The following TRMT61B variants were observed in gnomAD, a reference collection of about 807,000 sequenced individuals.
TRMT61B encodes tRNA methyltransferase 61B, also known as tRNA (adenine(58)-N(1))-methyltransferase, mitochondrial.
A neutral mutation model predicts 52.0 loss-of-function variants in TRMT61B; 56 were observed. The observed-to-expected ratio is 1.08, with a 90% CI of 0.87 to 1.35. The LOEUF is 1.35. Ranked by LOEUF, TRMT61B falls within the 40% of genes most tolerant of loss-of-function variation. The probability of loss-of-function intolerance (pLI) is 0.00; values close to 1 mark genes in which losing one functional copy is unlikely to be tolerated. For synonymous variants in TRMT61B, 206 were observed against 220.0 expected, an observed-to-expected ratio of 0.94 and a Z score of 0.56; for missense variants, 650 against 577.9, an observed-to-expected ratio of 1.12 and a Z score of -1.28.
At chr2:28,865,185 C>A in intron 1 of TRMT61B, 66 bp from the exon 2 acceptor site, 1 of 896,618 alleles carries the variant, frequency 1.1e-6, no homozygotes, top group African/African-American at 1.6e-5. Flanking sequence ...CTAGTCTTAT[C>A]TTACATTGTT....
At chr2:28,851,332 A>G (rs1669087096) in intron 4 of TRMT61B, 34 bp from the exon 5 acceptor site, 1 of 1,399,896 alleles carries the variant, frequency 7.1e-7, no homozygotes, top group Non-Finnish European at 9.8e-7. Context: ...CATTTCTACT[A>G]AAATAATAAC....
In TRMT61B at chr2:28,861,107, A is replaced by G; in HGVS notation, c.993+11T>C. 1 of 1,586,712 alleles carries G rather than the reference A, an allele frequency of 6.3e-7. No homozygotes were observed. ...AAAGTAATAACACAGGACCCACGTT[A>G]GAAAACTTACTGCGTCAAATGTTAA... On this transcript the variant is annotated intron_variant, in intron 3 of 6. Coordinates refer to ENST00000306108, the MANE Select transcript of TRMT61B (RefSeq NM_017910.4).
At chr2:28,868,341 G>A (rs1013095437) in intron 1 of TRMT61B, among the ~76,000 whole-genome samples, 11 of 152,124 alleles carry the variant, frequency 7.2e-5, no homozygotes, top group Non-Finnish European at 1.0e-4. Flanking sequence ...CCTATCAAGT[G>A]TACCTCCTTG....
chr2:28,862,197 T>TCCG (rs1669631033), intron 2 of TRMT61B, among the ~76,000 whole-genome samples: 1 of 88,106 alleles, frequency 1.1e-5, no homozygotes, highest in Non-Finnish European at 2.0e-5. Context: ...AGTGCAAGAC[T>TCCG]CCGTCTCAAA....
chr2:28,856,663 C>A (rs1296047519), intron 3 of TRMT61B, among the ~76,000 whole-genome samples: 3 of 150,970 alleles, frequency 2.0e-5, no homozygotes, highest in Non-Finnish European at 4.4e-5. Context: ...GAGATGGAGT[C>A]TCATCCTGTC....
rs139037454 is a variant in TRMT61B at position 28,870,107 on chromosome 2, T to C, written c.171A>G (p.Ala57=). 2.9e-5 allele frequency: 46 copies of C among 1,614,006 alleles called. No individual in the cohort carries two copies. The highest frequency in any genetic ancestry group is 3.9e-5 in the Non-Finnish European group (46 of 1,180,058). The change falls in exon 1 of 7, where the codon GCA becomes GCG. Residue 57 remains alanine, a synonymous_variant. Coordinates refer to ENST00000306108, the MANE Select transcript of TRMT61B (RefSeq NM_017910.4). ...ACTCTGCTCCTGGGGCTTTCCTTTG[T>C]GCCGCCTCGTGCTCTCTTTCTCCAT... ...LRDGEREHEA[A]QRKAPGAESC...
chr2:28,864,049 A>G (rs774945326), intron 2 of TRMT61B, among the ~76,000 whole-genome samples: 3 of 152,086 alleles, frequency 2.0e-5, no homozygotes, highest in Non-Finnish European at 4.4e-5. Flanking sequence ...ACACCTCTTG[A>G]TTTTTGATCA....
intron 3 of TRMT61B, among the ~76,000 whole-genome samples, chr2:28,860,306 A>AAAAAC (rs1669549199): frequency 7.6e-6 from 1 of 132,080 alleles, no homozygotes; most frequent in Admixed American, 7.6e-5. Context: ...AAAAAAAAAA[A>AAAAAC]GATTTTCTCT....
intron 1 of TRMT61B, 58 bp from the exon 2 acceptor site, chr2:28,865,177 AG>A: frequency 1.0e-6 from 1 of 954,020 alleles, no homozygotes; most frequent in Non-Finnish European, 1.7e-6. Flanking sequence ...CTAAGCACCT[AG>A]TCTTATCTTA....
chr2:28,851,878 CAAAAAAAAAAAA>C (rs1162566474), intron 4 of TRMT61B, among the ~76,000 whole-genome samples: 2 of 18,276 alleles, frequency 1.1e-4, no homozygotes, highest in Admixed American at 7.5e-4. Context: ...GACTCTGTCT[CAAAAAAAAAAAA>C]AAAAAAAAAA....
In TRMT61B at chr2:28,850,177, C is replaced by A. The variant is rs1419134495; in HGVS notation, c.*22G>T. ...TTTTGATATTTTTCCATCTTCAAGT[C>A]AGTTACTGTCATCTGGAGTACTCAG... On this transcript the variant is annotated 3_prime_UTR_variant, in exon 7 of 7. Transcript: ENST00000306108. The A allele has an allele frequency of 1.9e-6, 3 of 1,599,756 alleles. No homozygotes were observed. In the South Asian group the frequency reaches 3.4e-5, roughly 18 times the overall value.
chr2:28,866,402 G>C (rs1383761174), intron 1 of TRMT61B, among the ~76,000 whole-genome samples: 1 of 152,220 alleles, frequency 6.6e-6, no homozygotes, highest in Admixed American at 6.5e-5. Context: ...ACTGGGGAGA[G>C]GGGGATGGTT....
At position 28,861,272 on chromosome 2, in the gene TRMT61B, C is replaced by T. The variant is rs755865287; in HGVS notation, c.839G>A (p.Arg280Gln). 8.7e-6 allele frequency: 14 copies of T among 1,606,896 alleles called. No individual in the cohort carries two copies. The African/African-American group carries it at 1.2e-4, about 14-fold the overall frequency. ...SQGRVISFEV[R>Q]KDHHDLAKKN... ...CTTAGCCAGATCATGGTGGTCTTTTCGTACCTCAAAACTTATGACTCGTCC... is the reference window on the plus strand; with the variant it reads ...CTTAGCCAGATCATGGTGGTCTTTTTGTACCTCAAAACTTATGACTCGTCC... The change falls in exon 3 of 7, where the codon CGA becomes CAA. Residue 280 changes from arginine to glutamine, a missense_variant. Transcript: ENST00000306108.
In TRMT61B at chr2:28,869,944, A is replaced by G. The variant is rs1299305143; in HGVS notation, c.334T>C (p.Cys112Arg). ...TCGGATCCCTGGTGTGTGGGACCGC[A>G]CCGGCCCTGGTCTCCGCTCGAGTCC... ...LEDSSGDQGRCGPTHQGSEDP... is the reference protein window; with the variant it reads ...LEDSSGDQGRRGPTHQGSEDP... Residue 112 changes from cysteine to arginine, a missense_variant, in exon 1 of 7, where the codon TGC becomes CGC. Transcript: ENST00000306108. 6.2e-7 allele frequency: 1 copy of G among 1,613,796 alleles called. No homozygotes were observed. The highest frequency in any genetic ancestry group is 8.5e-7 in the Non-Finnish European group (1 of 1,179,978).
In TRMT61B at chr2:28,851,735, C is replaced by T. The variant is rs1306269008; in HGVS notation, c.1086-437G>A. On this transcript the variant is annotated intron_variant, in intron 4 of 6. Coordinates refer to ENST00000306108, the MANE Select transcript of TRMT61B (RefSeq NM_017910.4). ...TCTCCACTAAAATACAAAAATTAGC[C>T]GGGTGTGGTGGCGCATACCTGTAAT... 3.3e-5 allele frequency among the ~76,000 whole-genome samples: 5 copies of T among 150,838 alleles called. No homozygotes were observed. The East Asian group carries it at 5.9e-4, about 18-fold the overall frequency.
intron 1 of TRMT61B, among the ~76,000 whole-genome samples, chr2:28,868,457 A>G (rs956267297): frequency 6.6e-6 from 1 of 152,222 alleles, no homozygotes; most frequent in Non-Finnish European, 1.5e-5. Flanking sequence ...CACTACTGGA[A>G]ATGACCTTAT....
intron 1 of TRMT61B, 103 bp downstream of exon 1, chr2:28,869,476 C>T (rs141961845): frequency 1.3e-6 from 1 of 777,936 alleles, no homozygotes; most frequent in East Asian, 2.6e-5. Context: ...AATAAAAAAT[C>T]CAAACGTTCT....
intron 5 of TRMT61B, 36 bp downstream of exon 5, chr2:28,851,036 T>G: frequency 7.3e-7 from 1 of 1,370,166 alleles, no homozygotes; most frequent in Non-Finnish European, 1.0e-6. Flanking sequence ...CATTCTCCAT[T>G]CATTACTGCA....
At position 28,870,216 on chromosome 2, in the gene TRMT61B, T is replaced by C. The variant is rs780953204; in HGVS notation, c.62A>G (p.Asn21Ser). The C allele has an allele frequency of 8.7e-6, 14 of 1,610,832 alleles. No homozygotes were observed. The highest frequency in any genetic ancestry group is 4.0e-5 in the African/African-American group (3 of 74,938). Residue 21 changes from asparagine to serine, a missense_variant, in exon 1 of 7, where the codon AAT (asparagine) becomes AGT (serine). Transcript: ENST00000306108. ...CTGCCCCAGGCCGTGCAGGAATGAA[T>C]TGGTTCCGAGCCCCTGCCGCAGGCA... Reference protein sequence around the residue: ...LLCLRQGLGTNSFLHGLGQEP... With the variant: ...LLCLRQGLGTSSFLHGLGQEP...
Sources: allele counts gnomAD v4.1 joint callset (sites outside exome capture counted in the v4.1 genomes callset), GRCh38; gene constraint gnomAD v4.1.1; transcripts MANE v1.5; gene names NCBI Gene and HGNC (gene_info 2026-07-23, HGNC 2026-07-21).